Variants in CALN1 observed in about 807,000 individuals in gnomAD.
The protein encoded by CALN1 is calneuron 1.
Under a neutral mutation model 30.6 loss-of-function variants are expected in CALN1, and 17 were observed. The ratio of observed to expected loss-of-function variants is 0.56; its 90% CI spans 0.38 to 0.83. The LOEUF (loss-of-function observed/expected upper bound fraction) is 0.83, where lower values mean the gene tolerates loss of function less well. Among genes scored for constraint, CALN1 ranks in the 40% least tolerant of loss-of-function variants. The probability of loss-of-function intolerance (pLI) is 0.00; values close to 1 mark genes in which losing one functional copy is unlikely to be tolerated. For missense variants in CALN1, 291 were observed against 354.9 expected (o/e 0.82, Z 1.45); for synonymous variants, 156 against 131.4 (o/e 1.19, Z -1.28).
Position 72,407,376 on chromosome 7 carries a change from T to G in CALN1, c.-73-3934A>C, listed in dbSNP as rs538074607. ...TTTGTGTCCCCACCCAAATCTCATG[T>G]CAAACTGTAATCCCCAATGTTGGAG... On this transcript the variant is annotated intron_variant, in intron 1 of 6. Coordinates refer to ENST00000395275, the MANE Select transcript of CALN1 (RefSeq NM_031468.4). 7.2e-5 allele frequency among the ~76,000 whole-genome samples: 11 copies of G among 152,338 alleles called. No homozygotes were observed. In the East Asian group the frequency reaches 2.1e-3, roughly 29 times the overall value.
chr7:72,072,226 T>C (rs1426678279), intron 4 of CALN1, among the ~76,000 whole-genome samples: 1 of 152,104 alleles, frequency 6.6e-6, no homozygotes. Context: ...CATACTATAG[T>C]CAAACTTTCA....
intron 2 of CALN1, among the ~76,000 whole-genome samples, chr7:72,284,119 T>G (rs1797914228): frequency 1.3e-5 from 2 of 152,052 alleles, no homozygotes; most frequent in African/African-American, 4.8e-5. Context: ...GGTGAGACTG[T>G]GTCTCTACAG....
intron 4 of CALN1, among the ~76,000 whole-genome samples, chr7:72,032,405 A>G (rs1330880165): frequency 6.6e-6 from 1 of 152,016 alleles, no homozygotes; most frequent in Non-Finnish European, 1.5e-5. Flanking sequence ...TGCCCAGGCT[A>G]GTCTTGAACT....
upstream of CALN1, among the ~76,000 whole-genome samples, chr7:72,447,343 G>A (rs538478893): frequency 1.3e-5 from 2 of 152,236 alleles, no homozygotes; most frequent in Admixed American, 6.5e-5. Flanking sequence ...AAACGGGGCT[G>A]AGAAGGTGGA....
chr7:72,165,423 T>C (rs1444040452), intron 3 of CALN1, among the ~76,000 whole-genome samples: 1 of 151,786 alleles, frequency 6.6e-6, no homozygotes, highest in East Asian at 1.9e-4. Context: ...TAGCCAGGCA[T>C]GGTGGTGCAT....
At chr7:72,165,045 T>C (rs1431903239) in intron 3 of CALN1, among the ~76,000 whole-genome samples, 1 of 152,164 alleles carries the variant, frequency 6.6e-6, no homozygotes, top group Non-Finnish European at 1.5e-5. Flanking sequence ...ACCAAATTCA[T>C]CAAATTGTGC....
chr7:72,004,520 A>G (rs2129528764), intron 5 of CALN1, among the ~76,000 whole-genome samples: 1 of 152,346 alleles, frequency 6.6e-6, no homozygotes, highest in African/African-American at 2.4e-5. Context: ...CCATACTGGG[A>G]AAAATCGAAA....
intron 3 of CALN1, among the ~76,000 whole-genome samples, chr7:72,207,952 T>A (rs1015434796): frequency 6.6e-6 from 1 of 152,218 alleles, no homozygotes; most frequent in Non-Finnish European, 1.5e-5. Flanking sequence ...TTACAAAATC[T>A]CTGTGAAACT....
At chr7:72,376,634 A>G (rs761979473) in intron 2 of CALN1, among the ~76,000 whole-genome samples, 4 of 152,134 alleles carry the variant, frequency 2.6e-5, no homozygotes, top group Non-Finnish European at 4.4e-5. Flanking sequence ...TTACTTGCAA[A>G]TATTTTATCC....
intron 1 of CALN1, among the ~76,000 whole-genome samples, chr7:72,443,462 G>A (rs897273993): frequency 6.6e-6 from 1 of 152,034 alleles, no homozygotes; most frequent in Non-Finnish European, 1.5e-5. Context: ...TCTCCTCTCC[G>A]GCTTCTTCTT....
intron 3 of CALN1, among the ~76,000 whole-genome samples, chr7:72,140,276 A>AGAGAGAGAG (rs1563091142): frequency 8.3e-6 from 1 of 119,862 alleles, no homozygotes; most frequent in Non-Finnish European, 1.7e-5. Context: ...GTCTCAAAAT[A>AGAGAGAGAG]AGAGAGAGAG....
At chr7:72,292,768 C>A (rs1418366701) in intron 2 of CALN1, among the ~76,000 whole-genome samples, 1 of 147,788 alleles carries the variant, frequency 6.8e-6, no homozygotes, top group African/African-American at 2.5e-5. Flanking sequence ...TTACAGTGAG[C>A]CGAGATCGCG....
intron 3 of CALN1, among the ~76,000 whole-genome samples, chr7:72,132,562 A>G (rs1321108822): frequency 6.6e-6 from 1 of 152,200 alleles, no homozygotes; most frequent in Non-Finnish European, 1.5e-5. Context: ...GAAGAATGCC[A>G]CCACAATAAA....
chr7:72,470,065 AC>A, the CALN1 span, among the ~76,000 whole-genome samples: 1 of 152,144 alleles, frequency 6.6e-6, no homozygotes, highest in East Asian at 1.9e-4. Context: ...CACGTATGAG[AC>A]ACTAAACATG....
chr7:72,283,037 C>G lies in CALN1; in HGVS notation c.120-4227G>C, dbSNP rs545660099. 8.9e-5 allele frequency among the ~76,000 whole-genome samples: 12 copies of G among 134,218 alleles called. No homozygotes were observed. In the East Asian group the frequency reaches 2.5e-3, roughly 28 times the overall value. 88.1% of individuals were successfully genotyped at this position (134,218 alleles called of 152,430 possible). ...GCCACTGCACTCCAGCCTGGGTGATCGAGGGAGACTCCATCTCAAAAAAAA... is the reference window on the plus strand; with the variant it reads ...GCCACTGCACTCCAGCCTGGGTGATGGAGGGAGACTCCATCTCAAAAAAAA... On this transcript the variant is annotated intron_variant, in intron 2 of 6. Transcript: ENST00000395275.
At chr7:71,805,649 C>T (rs892159533) in intron 6 of CALN1, among the ~76,000 whole-genome samples, 7 of 151,670 alleles carry the variant, frequency 4.6e-5, no homozygotes, top group Admixed American at 1.3e-4. Context: ...CAGTGTTGAT[C>T]GTGAGGTCAG....
intron 3 of CALN1, among the ~76,000 whole-genome samples, chr7:72,137,080 C>A (rs1809561652): frequency 2.0e-5 from 3 of 152,136 alleles, no homozygotes; most frequent in South Asian, 2.1e-4. Context: ...CTCTCTTACA[C>A]ACTAAGTATA....
the CALN1 span, among the ~76,000 whole-genome samples, chr7:72,477,040 G>A: frequency 7.9e-5 from 12 of 152,124 alleles, no homozygotes; most frequent in Non-Finnish European, 1.8e-4. Flanking sequence ...GTGAAACACC[G>A]TCTCTACTAA....
At chr7:72,328,021 G>A (rs906294473) in intron 2 of CALN1, among the ~76,000 whole-genome samples, 2 of 152,052 alleles carry the variant, frequency 1.3e-5, no homozygotes, top group African/African-American at 4.8e-5. Context: ...AACAATATAT[G>A]TACTTGAAAT....
Sources: allele counts gnomAD v4.1 joint callset (sites outside exome capture counted in the v4.1 genomes callset), GRCh38; gene constraint gnomAD v4.1.1; transcripts MANE v1.5; gene names NCBI Gene and HGNC (gene_info 2026-07-23, HGNC 2026-07-21).